The following FAT4 variants were observed in gnomAD, a reference collection of about 807,000 sequenced individuals.
FAT4 encodes the protein FAT atypical cadherin 4.
In FAT4, 84 loss-of-function variants were observed where a neutral mutation model predicts 303.9. That is an observed-to-expected ratio of 0.28 (90% confidence interval 0.23 to 0.33). The LOEUF is 0.33. FAT4 is among the 10% of genes least tolerant of loss of function. FAT4 has a pLI of 1.00. For synonymous variants in FAT4, 2,307 were observed against 2,298.8 expected, an observed-to-expected ratio of 1.00 and a Z score of -0.10; for missense variants, 6,005 against 6,146.8, an observed-to-expected ratio of 0.98 and a Z score of 0.77.
chr4:125,339,104 G>C (rs1275661699), intron 2 of FAT4, among the ~76,000 whole-genome samples: 1 of 152,056 alleles, frequency 6.6e-6, no homozygotes, highest in Non-Finnish European at 1.5e-5. Context: ...TGTATTTGAT[G>C]ACATATTTTT....
At position 125,491,130 on chromosome 4, in the gene FAT4, C is replaced by G; in HGVS notation, c.14314C>G (p.Leu4772Val). ...ACATGGTTCTAGACCAGGGAGTCGC[C>G]TAAAGCAGCCGATTGGGCAGATTCC... The part of the protein sequence containing the change: ...ASHGSRPGSR[L>V]KQPIGQIPLE... The change falls in exon 18 of 18, where the codon CTA becomes GTA. Residue 4772 changes from leucine (L) to valine (V), a missense_variant. Coordinates refer to ENST00000394329, the MANE Select transcript of FAT4 (RefSeq NM_001291303.3). 6.2e-7 allele frequency: 1 copy of G among 1,614,156 alleles called. No individual in the cohort carries two copies.
At chr4:125,460,214 A>G (rs1726435687) in intron 10 of FAT4, among the ~76,000 whole-genome samples, 2 of 152,068 alleles carry the variant, frequency 1.3e-5, no homozygotes, top group Non-Finnish European at 1.5e-5. Flanking sequence ...CCACCAACAG[A>G]TAAGACTATT....
At chr4:125,347,936 T>C (rs1732067637) in intron 2 of FAT4, among the ~76,000 whole-genome samples, 1 of 151,756 alleles carries the variant, frequency 6.6e-6, no homozygotes, top group Admixed American at 6.6e-5. Flanking sequence ...ATATTGATGC[T>C]TAATACCCTC....
At chr4:125,395,672 C>A (rs1308686862) in intron 2 of FAT4, among the ~76,000 whole-genome samples, 4 of 151,872 alleles carry the variant, frequency 2.6e-5, no homozygotes, top group Admixed American at 2.6e-4. Flanking sequence ...AGAGGATAGC[C>A]TGATTTATTA....
At chr4:125,395,062 G>T (rs1478935495) in intron 2 of FAT4, among the ~76,000 whole-genome samples, 1 of 152,072 alleles carries the variant, frequency 6.6e-6, no homozygotes, top group African/African-American at 2.4e-5. Flanking sequence ...GCAATTCTTG[G>T]TAGATAAAAC....
chr4:125,317,648 A>G lies in FAT4; in HGVS notation c.1237A>G (p.Lys413Glu), dbSNP rs1471306819. The G allele has an allele frequency of 6.8e-6, 11 of 1,613,982 alleles. No individual in the cohort carries two copies. The highest frequency in any genetic ancestry group is 2.2e-5 in the East Asian group (1 of 44,882). The change falls in exon 2 of 18, where the codon AAA becomes GAA. Residue 413 changes from lysine (K) to glutamate (E), a missense_variant. By Grantham distance (56) the Lys-to-Glu change is moderately conservative. Coordinates refer to ENST00000394329, the MANE Select transcript of FAT4 (RefSeq NM_001291303.3). This position sits in a 1 kb window ranked among gnomAD's most constrained non-coding sequence, Gnocchi z 7.0. ...EQRHFEVQSSKVPNLSLIKVA... is the reference protein window; with the variant it reads ...EQRHFEVQSSEVPNLSLIKVA... ...GCGCCACTTTGAAGTGCAAAGCAGC[A>G]AAGTGCCGAACCTGAGCCTAATCAA...
chr4:125,406,757 T>C, intron 3 of FAT4, 123 bp from the exon 4 acceptor site: 1 of 1,062,532 alleles, frequency 9.4e-7, no homozygotes, highest in Non-Finnish European at 1.4e-6. Flanking sequence ...TGTTTAAGTC[T>C]TATAATATCA....
In FAT4 at chr4:125,406,890, C is replaced by A; in HGVS notation, c.5318C>A (p.Ala1773Asp). The A allele has an allele frequency of 6.2e-7, 1 of 1,613,590 alleles. No homozygotes were observed. Among genetic ancestry groups the A allele is most frequent in the African/African-American group, 1.3e-5 (1 of 74,994 alleles). The change falls in exon 4 of 18, where the codon GCT (alanine) becomes GAT (aspartate). Residue 1773 changes from alanine (A) to aspartate (D), a missense_variant. Transcript: ENST00000394329. Reference sequence around the variant, plus strand: ...GGTCTCTTTTTTTAGGGTGCAAATGCTCTCGTCACATACACTATCATTAGT... The same window carrying A: ...GGTCTCTTTTTTTAGGGTGCAAATGATCTCGTCACATACACTATCATTAGT... The part of the protein sequence containing the change: ...TAMDADEGAN[A>D]LVTYTIISGA...
chr4:125,319,780 T>G lies in FAT4; in HGVS notation c.3369T>G (p.Ser1123Arg). The G allele has an allele frequency of 1.2e-6, 2 of 1,614,210 alleles. No homozygotes were observed. Among genetic ancestry groups the G allele is most frequent in the Non-Finnish European group, 1.7e-6 (2 of 1,180,024 alleles). ...QRAGSFVGKV[S>R]AVDKDFGPNG... ...CTGGGTCGTTTGTGGGCAAAGTAAG[T>G]GCTGTAGATAAAGACTTTGGGCCAA... Residue 1123 changes from serine to arginine, a missense_variant, in exon 2 of 18, where the codon AGT (serine) becomes AGG (arginine). Physicochemically the swap from Ser to Arg is moderately radical, Grantham distance 110. Coordinates refer to ENST00000394329, the MANE Select transcript of FAT4 (RefSeq NM_001291303.3).
rs1324325296 is a variant in FAT4 at position 125,451,360 on chromosome 4, T to C, written c.10350T>C (p.Asn3450=). ...TTTCTTACTTCATCGGATCAGGGAA[T>C]GAAAATGGTGCCTTTTCTATTAATC... ...SRFSYFIGSG[N]ENGAFSINPQ... Residue 3450 remains asparagine, a synonymous_variant, in exon 10 of 18, where the codon AAT becomes AAC. Coordinates refer to ENST00000394329, the MANE Select transcript of FAT4 (RefSeq NM_001291303.3). The C allele has an allele frequency of 6.2e-7, 1 of 1,614,034 alleles. No homozygotes were observed. Among genetic ancestry groups the C allele is most frequent in the Non-Finnish European group, 8.5e-7 (1 of 1,180,026 alleles).
At chr4:125,440,515 T>G (rs2126049233) in intron 8 of FAT4, among the ~76,000 whole-genome samples, 1 of 152,182 alleles carries the variant, frequency 6.6e-6, no homozygotes, top group Non-Finnish European at 1.5e-5. Context: ...CAGTTTGTTT[T>G]CTGTTTCTCT....
In FAT4 at chr4:125,452,287, CAAT is replaced by C; in HGVS notation, c.11279_11281del (p.Asn3760del). ...AACTGTACAGTGCATATGAAGAGAA[CAAT>C]AGAACGTTTCTTTTGGCAGCTGTGA... On this transcript the variant is annotated inframe_deletion, in exon 10 of 18. Transcript: ENST00000394329. 6.2e-7 allele frequency: 1 copy of C among 1,614,204 alleles called. No homozygotes were observed. The highest frequency in any genetic ancestry group is 8.5e-7 in the Non-Finnish European group (1 of 1,180,040).
At position 125,450,595 on chromosome 4, in the gene FAT4, A is replaced by G. The variant is rs750952434; in HGVS notation, c.9585A>G (p.Val3195=). Residue 3195 remains valine, a synonymous_variant, in exon 10 of 18, where the codon GTA becomes GTG. Coordinates refer to ENST00000394329, the MANE Select transcript of FAT4 (RefSeq NM_001291303.3). ...NVIDVNDNSP[V]FLSDDYFPTV... is the part of the protein sequence containing the mutation. The stretch of plus-strand genomic sequence containing the variant: ...TTGATGTGAATGATAATTCTCCAGT[A>G]TTCCTCTCTGATGACTATTTCCCTA... 17 of 1,614,100 alleles carry G rather than the reference A, an allele frequency of 1.1e-5. No individual in the cohort carries two copies. Among genetic ancestry groups the G allele is most frequent in the Non-Finnish European group, 1.4e-5 (17 of 1,180,006 alleles).
intron 3 of FAT4, among the ~76,000 whole-genome samples, chr4:125,401,311 G>T (rs904522249): frequency 6.6e-6 from 1 of 151,762 alleles, no homozygotes; most frequent in East Asian, 1.9e-4. Flanking sequence ...GTTTTTAGTT[G>T]CTTATAATAA....
intron 2 of FAT4, chr4:125,362,679 T>C (rs1190762682): frequency 6.6e-6 from 1 of 152,168 alleles, no homozygotes; most frequent in African/African-American, 2.4e-5. Context: ...GGAAAATGTA[T>C]TGCACTATAT....
At position 125,476,160 on chromosome 4, in the gene FAT4, T is replaced by A; in HGVS notation, c.12214-11T>A. 1 of 1,562,808 alleles carries A rather than the reference T, an allele frequency of 6.4e-7. No individual in the cohort carries two copies. The highest frequency in any genetic ancestry group is 1.1e-5 in the South Asian group (1 of 87,370). On this transcript the variant is annotated splice_polypyrimidine_tract_variant and intron_variant, in intron 12 of 17. Coordinates refer to ENST00000394329, the MANE Select transcript of FAT4 (RefSeq NM_001291303.3). Reference sequence around the variant, plus strand: ...ACTCAAAGTTGAATGTTTCTTTCTCTTGCTTCGTAGGCAGCCTCCTTAACT... The same window carrying A: ...ACTCAAAGTTGAATGTTTCTTTCTCATGCTTCGTAGGCAGCCTCCTTAACT...
At chr4:125,328,217 G>A (rs1315099235) in intron 2 of FAT4, among the ~76,000 whole-genome samples, 3 of 152,178 alleles carry the variant, frequency 2.0e-5, no homozygotes, top group Non-Finnish European at 4.4e-5. Context: ...GGAGAGTATA[G>A]GGAATGCAGA....
rs144506470 is a variant in FAT4 at position 125,451,570 on chromosome 4, G to A, written c.10560G>A (p.Met3520Ile). 902 of 1,614,160 alleles carry A rather than the reference G, an allele frequency of 5.6e-4. 1 individual carries two copies. The highest frequency in any genetic ancestry group is 2.3e-3 in the Middle Eastern group (14 of 6,062). Reference sequence around the variant, plus strand: ...TGACTGTCAGTGAAGGAGAAGTCATGGAAAACAAACGGCCAGGCACTTTGG... The same window carrying A: ...TGACTGTCAGTGAAGGAGAAGTCATAGAAAACAAACGGCCAGGCACTTTGG... ...PMLTVSEGEV[M>I]ENKRPGTLVM... The change falls in exon 10 of 18, where the codon ATG (methionine) becomes ATA (isoleucine). Residue 3520 changes from methionine (M) to isoleucine (I), a missense_variant. Transcript: ENST00000394329.
chr4:125,385,142 C>G (rs986980104), intron 2 of FAT4, among the ~76,000 whole-genome samples: 18 of 151,358 alleles, frequency 1.2e-4, no homozygotes, highest in Admixed American at 4.6e-4. Context: ...CTGCCTCAGC[C>G]TCCTGAGTAG....
Sources: gnomAD v4.1 joint callset for allele counts (sites outside exome capture counted in the v4.1 genomes callset) on GRCh38, gnomAD v4.1.1 for gene constraint, Gnocchi (gnomAD v3.1) non-coding constraint, MANE v1.5 for transcripts, NCBI Gene and HGNC (gene_info 2026-07-23, HGNC 2026-07-21) for gene names.